EDEM3: variants seen among roughly 807,000 people sequenced by gnomAD.
EDEM3 encodes ER degradation enhancing alpha-mannosidase like protein 3.
A neutral mutation model predicts 110.2 loss-of-function variants in EDEM3; 60 were observed. The observed-to-expected ratio is 0.54, with a 90% CI of 0.44 to 0.67. The LOEUF is 0.67. Ranked by LOEUF, EDEM3 falls within the 30% of genes least tolerant of loss-of-function variation. EDEM3 has a pLI of 0.00. For missense variants in EDEM3, 996 were observed against 1,121.0 expected (o/e 0.89, Z 1.59); for synonymous variants, 352 against 382.9 (o/e 0.92, Z 0.94).
intron 13 of EDEM3, among the ~76,000 whole-genome samples, chr1:184,714,703 A>C (rs986546170): frequency 3.9e-5 from 6 of 152,226 alleles, no homozygotes; most frequent in Non-Finnish European, 7.3e-5. Context: ...GAAAACTGGT[A>C]GTTTAGCTAA....
intron 2 of EDEM3, among the ~76,000 whole-genome samples, chr1:184,740,383 C>T (rs559937931): frequency 6.6e-6 from 1 of 152,028 alleles, no homozygotes. Context: ...ACACACCCAA[C>T]AACATGGTTC....
intron 4 of EDEM3, among the ~76,000 whole-genome samples, chr1:184,735,481 T>C (rs904421370): frequency 2.6e-5 from 4 of 151,896 alleles, no homozygotes; most frequent in Non-Finnish European, 5.9e-5. Flanking sequence ...AGGCCGCCCA[T>C]GAGATGTTAC....
intron 16 of EDEM3, among the ~76,000 whole-genome samples, chr1:184,709,139 A>G (rs2102069699): frequency 1.3e-5 from 2 of 152,292 alleles, no homozygotes; most frequent in East Asian, 1.9e-4. Flanking sequence ...AAGAATGATG[A>G]TAGGTTTTAC....
intron 19 of EDEM3, among the ~76,000 whole-genome samples, chr1:184,697,018 CTT>C: frequency 6.6e-6 from 1 of 151,674 alleles, no homozygotes; most frequent in East Asian, 1.9e-4. Flanking sequence ...GTCAAAGCAA[CTT>C]TAATAAAAAA....
chr1:184,743,717 G>A (rs965550552), intron 2 of EDEM3, among the ~76,000 whole-genome samples: 1 of 152,096 alleles, frequency 6.6e-6, no homozygotes, highest in Admixed American at 6.6e-5. Context: ...TCAGGACAAT[G>A]TGATATTTGT....
Position 184,693,815 on chromosome 1 carries a change from G to A in EDEM3, c.*248C>T. On this transcript the variant is annotated 3_prime_UTR_variant, in exon 20 of 20. Coordinates refer to ENST00000318130, the MANE Select transcript of EDEM3 (RefSeq NM_025191.4). ...TCTTTCCCTGGCCTGAGGTGTTGCA[G>A]GGTGGTGCAGTGCTGCATTTGAAGG... is the stretch of plus-strand genomic sequence containing the variant. 2 of 403,288 alleles carry A rather than the reference G, an allele frequency of 5.0e-6. No homozygotes were observed. Among genetic ancestry groups the A allele is most frequent in the Non-Finnish European group, 4.5e-6 (1 of 223,532 alleles). 25.0% of individuals were successfully genotyped at this position (403,288 alleles called of 1,614,324 possible).
intron 6 of EDEM3, among the ~76,000 whole-genome samples, chr1:184,731,285 A>G (rs1651501829): frequency 6.6e-6 from 1 of 152,194 alleles, no homozygotes; most frequent in East Asian, 1.9e-4. Context: ...TTTAAATATA[A>G]AATTTTCTTA....
chr1:184,711,650 A>G (rs1650238397), intron 15 of EDEM3, 73 bp downstream of exon 15: 4 of 1,375,030 alleles, frequency 2.9e-6, no homozygotes, highest in Non-Finnish European at 3.9e-6. Flanking sequence ...CTGTTGATAC[A>G]TGCTCCCTAA....
At chr1:184,732,638 G>A (rs1473273809) in intron 6 of EDEM3, 199 bp downstream of exon 6, 2 of 566,920 alleles carry the variant, frequency 3.5e-6, no homozygotes, top group Admixed American at 7.1e-5. Context: ...CTTTTTTAAA[G>A]CTTAAACTAA....
At chr1:184,733,099 C>T in intron 5 of EDEM3, 109 bp from the exon 6 acceptor site, 1 of 1,149,232 alleles carries the variant, frequency 8.7e-7, no homozygotes, top group Admixed American at 2.7e-5. Context: ...TAAGGAAAGA[C>T]AAAAATTACT....
At chr1:184,714,537 A>T (rs892084543) in intron 13 of EDEM3, among the ~76,000 whole-genome samples, 13 of 152,100 alleles carry the variant, frequency 8.5e-5, no homozygotes, top group Non-Finnish European at 1.9e-4. Flanking sequence ...TAGTGCTTAG[A>T]TCTATAGGGT....
Position 184,719,510 on chromosome 1 carries a change from A to C in EDEM3, c.1010T>G (p.Ile337Ser), listed in dbSNP as rs1229969887. 1 of 1,614,056 alleles carries C rather than the reference A, an allele frequency of 6.2e-7. No homozygotes were observed. Among genetic ancestry groups the C allele is most frequent in the African/African-American group, 1.3e-5 (1 of 75,030 alleles). The change falls in exon 10 of 20, where the codon ATC becomes AGC. Residue 337 changes from isoleucine (I) to serine (S), a missense_variant. This residue lies in a region of EDEM3 where 310 missense variants were observed against 394.6 expected (regional missense o/e 0.79). Transcript: ENST00000318130. ...CCGAGCATTCAGCATTGGTTTGTGG[A>C]TATGCACATCAAGTAGAAGAGGTGG... Reference protein sequence around the residue: ...SQPPLLLDVHIHKPMLNARTW... With the variant: ...SQPPLLLDVHSHKPMLNARTW...
Position 184,690,372 on chromosome 1 carries a change from A to G in EDEM3, c.*3691T>C, listed in dbSNP as rs953742551. The G allele has an allele frequency of 1.3e-5, 2 of 151,704 alleles. No individual in the cohort carries two copies. Among genetic ancestry groups the G allele is most frequent in the African/African-American group, 4.9e-5 (2 of 40,966 alleles). 9.4% of individuals were successfully genotyped at this position (151,704 alleles called of 1,614,324 possible). ...CAAGCTTGGGTTTCTACAGCCTAAA[A>G]TGTCCCCAGAATTCAATCCCCGGAG... On this transcript the variant is annotated 3_prime_UTR_variant, in exon 20 of 20. Transcript: ENST00000318130.
chr1:184,751,235 GAA>G, intron 1 of EDEM3, among the ~76,000 whole-genome samples: 1 of 146,506 alleles, frequency 6.8e-6, no homozygotes, highest in South Asian at 2.1e-4. Flanking sequence ...GTCCTAAGCA[GAA>G]AAAAAAAAGT....
chr1:184,694,098 C>T lies in EDEM3; in HGVS notation c.2764G>A (p.Glu922Lys), dbSNP rs948245150. Residue 922 changes from glutamate to lysine, a missense_variant, in exon 20 of 20, where the codon GAA becomes AAA. Transcript: ENST00000318130. ...TCCTTCTCCATCATTTCAAATGCTT[C>T]TATATCTTCATTCCAGTCTGCTAAT... Reference protein sequence around the residue: ...SILADWNEDIEAFEMMEKDEL With the variant: ...SILADWNEDIKAFEMMEKDEL The T allele has an allele frequency of 2.5e-6, 4 of 1,612,950 alleles. No individual in the cohort carries two copies. The highest frequency in any genetic ancestry group is 1.3e-5 in the African/African-American group (1 of 74,868).
chr1:184,713,657 G>T (rs1000400784), intron 13 of EDEM3, among the ~76,000 whole-genome samples: 3 of 152,196 alleles, frequency 2.0e-5, no homozygotes, highest in African/African-American at 7.2e-5. Flanking sequence ...TAAATTAAAT[G>T]CAAGTTTAAA....
chr1:184,721,801 A>G (rs1650918027), intron 8 of EDEM3, among the ~76,000 whole-genome samples: 1 of 151,980 alleles, frequency 6.6e-6, no homozygotes, highest in African/African-American at 2.4e-5. Context: ...CACAAAAATG[A>G]AACCTATAGA....
chr1:184,746,983 G>T (rs745622325), intron 2 of EDEM3, among the ~76,000 whole-genome samples: 32 of 148,772 alleles, frequency 2.2e-4, no homozygotes, highest in Non-Finnish European at 3.8e-4. Flanking sequence ...TTATTTCTTT[G>T]CATTTAAACA....
chr1:184,707,575 G>T (rs1558045766), intron 17 of EDEM3, among the ~76,000 whole-genome samples: 1 of 152,312 alleles, frequency 6.6e-6, no homozygotes, highest in East Asian at 1.9e-4. Context: ...AAGAGCATTG[G>T]CTTTAGATTG....
Sources: allele counts gnomAD v4.1 joint callset (sites outside exome capture counted in the v4.1 genomes callset), GRCh38; gene constraint gnomAD v4.1.1; regional missense constraint gnomAD v4.1.1; transcripts MANE v1.5; gene names NCBI Gene and HGNC (gene_info 2026-07-23, HGNC 2026-07-21).